Variants in AFF3 observed in about 807,000 individuals in gnomAD.
The protein encoded by AFF3 is ALF transcription elongation factor 3.
AFF3 carries 32 observed loss-of-function variants against 129.7 expected under a neutral mutation model. The ratio of observed to expected loss-of-function variants is 0.25; its 90% CI spans 0.19 to 0.33. The LOEUF (loss-of-function observed/expected upper bound fraction) is 0.33, where lower values mean the gene tolerates loss of function less well. Among genes scored for constraint, AFF3 ranks in the 10% least tolerant of loss-of-function variants. The probability of loss-of-function intolerance (pLI) is 1.00; values close to 1 mark genes in which losing one functional copy is unlikely to be tolerated. For missense variants in AFF3, 1,373 were observed against 1,592.0 expected (o/e 0.86, Z 2.34); for synonymous variants, 644 against 635.4 (o/e 1.01, Z -0.20).
chr2:99,574,048 C>G (rs1676758651), intron 18 of AFF3, among the ~76,000 whole-genome samples: 1 of 152,206 alleles, frequency 6.6e-6, no homozygotes, highest in Non-Finnish European at 1.5e-5. Context: ...TTTTCCCCAG[C>G]CAAGAATTCC....
At chr2:99,848,087 T>G (rs553589967) in intron 7 of AFF3, among the ~76,000 whole-genome samples, 3 of 151,818 alleles carry the variant, frequency 2.0e-5, no homozygotes, top group Admixed American at 1.3e-4. Context: ...TTCAAGACCC[T>G]GTCTCTACTA....
At chr2:100,122,550 T>C (rs1420381117) in intron 2 of AFF3, among the ~76,000 whole-genome samples, 1 of 152,140 alleles carries the variant, frequency 6.6e-6, no homozygotes, top group Admixed American at 6.5e-5. Context: ...ACTATAATAA[T>C]AAGGTTGCCC....
chr2:99,692,909 T>C (rs1294315431), intron 11 of AFF3, among the ~76,000 whole-genome samples: 1 of 152,252 alleles, frequency 6.6e-6, no homozygotes, highest in African/African-American at 2.4e-5. Flanking sequence ...GGTGGCTCTG[T>C]AGGGCTCTGA....
chr2:100,057,438 C>T (rs1485623596), intron 4 of AFF3, among the ~76,000 whole-genome samples: 1 of 151,674 alleles, frequency 6.6e-6, no homozygotes, highest in African/African-American at 2.4e-5. Context: ...CTCAGCTCAA[C>T]TCACTGGAAT....
chr2:99,838,723 C>T (rs1689083908), intron 7 of AFF3, among the ~76,000 whole-genome samples: 1 of 152,200 alleles, frequency 6.6e-6, no homozygotes, highest in Non-Finnish European at 1.5e-5. Context: ...CCCCCAATAA[C>T]TATTGGCTGG....
At chr2:99,693,922 CTT>C (rs796185117) in intron 11 of AFF3, among the ~76,000 whole-genome samples, 4 of 146,176 alleles carry the variant, frequency 2.7e-5, no homozygotes, top group Admixed American at 6.9e-5. Flanking sequence ...TTCCTTAATA[CTT>C]TTTTTTTTTT....
At chr2:99,558,047 GAT>G (rs1232162447) in intron 22 of AFF3, among the ~76,000 whole-genome samples, 1 of 152,186 alleles carries the variant, frequency 6.6e-6, no homozygotes, top group Non-Finnish European at 1.5e-5. Flanking sequence ...CATTCCCTGA[GAT>G]AAGTAAAAGG....
intron 11 of AFF3, among the ~76,000 whole-genome samples, chr2:99,714,857 T>A (rs1477532543): frequency 6.6e-6 from 1 of 152,240 alleles, no homozygotes; most frequent in Non-Finnish European, 1.5e-5. Context: ...AATTAAAAAA[T>A]TTTAATGAAT....
chr2:99,976,086 G>A (rs576766831), intron 7 of AFF3, among the ~76,000 whole-genome samples: 94 of 152,008 alleles, frequency 6.2e-4, no homozygotes, highest in African/African-American at 2.2e-3. Flanking sequence ...GCAAGGAGGA[G>A]TTAACGCCAA....
At chr2:99,834,215 A>G (rs1034666229) in intron 8 of AFF3, among the ~76,000 whole-genome samples, 1 of 152,200 alleles carries the variant, frequency 6.6e-6, no homozygotes, top group African/African-American at 2.4e-5. Context: ...TACAATGTTA[A>G]GAGAGGTTGC....
chr2:99,595,036 C>T (rs527661049), intron 14 of AFF3, among the ~76,000 whole-genome samples: 1 of 152,310 alleles, frequency 6.6e-6, no homozygotes, highest in South Asian at 2.1e-4. Context: ...ACTGTGGCCC[C>T]ACAGGTTGGC....
At chr2:100,020,817 C>G (rs1683526990) in intron 4 of AFF3, among the ~76,000 whole-genome samples, 1 of 152,234 alleles carries the variant, frequency 6.6e-6, no homozygotes, top group South Asian at 2.1e-4. Flanking sequence ...TAAAATGTAT[C>G]TCCCGGCTGC....
At chr2:99,741,023 T>A (rs966290112) in intron 10 of AFF3, among the ~76,000 whole-genome samples, 1 of 152,350 alleles carries the variant, frequency 6.6e-6, no homozygotes. Flanking sequence ...TACATATGGT[T>A]AGCCAGTTTT....
intron 7 of AFF3, among the ~76,000 whole-genome samples, chr2:99,987,011 G>T (rs1418828849): frequency 2.0e-5 from 3 of 152,144 alleles, no homozygotes; most frequent in Admixed American, 6.5e-5. Context: ...CGAAAAGGCC[G>T]ATCGTTACAA....
chr2:99,861,352 T>C (rs2105915596), intron 7 of AFF3, among the ~76,000 whole-genome samples: 1 of 152,280 alleles, frequency 6.6e-6, no homozygotes, highest in South Asian at 2.1e-4. Context: ...AGTAGAGAAG[T>C]GGCCAAGAAC....
In AFF3 at chr2:100,133,039, C is replaced by G. The variant is rs1225906574; in HGVS notation, c.-227-3733G>C. 2.6e-5 allele frequency among the ~76,000 whole-genome samples: 4 copies of G among 151,400 alleles called. No individual in the cohort carries two copies. In the East Asian group the frequency reaches 5.9e-4, roughly 22 times the overall value. ...AACTCTTGGGGCTCAAGTGATCCTT[C>G]CACCTCAGCCTCCCAACAGCTGGGA... On this transcript the variant is annotated intron_variant, in intron 1 of 24. Coordinates refer to ENST00000672756, the MANE Select transcript of AFF3 (RefSeq NM_001386135.1).
At chr2:100,091,275 T>G (rs1689836687) in intron 4 of AFF3, among the ~76,000 whole-genome samples, 1 of 152,232 alleles carries the variant, frequency 6.6e-6, no homozygotes, top group South Asian at 2.1e-4. Context: ...ACACTTCTTA[T>G]GTGTAAGAAA....
At chr2:99,792,278 A>G (rs1308208726) in intron 8 of AFF3, among the ~76,000 whole-genome samples, 1 of 152,166 alleles carries the variant, frequency 6.6e-6, no homozygotes, top group African/African-American at 2.4e-5. Flanking sequence ...GTTCAAGACC[A>G]GCCTGGGTAA....
chr2:100,012,813 A>G (rs1347257908), intron 4 of AFF3, among the ~76,000 whole-genome samples: 1 of 152,190 alleles, frequency 6.6e-6, no homozygotes, highest in African/African-American at 2.4e-5. Flanking sequence ...CAACATATAC[A>G]TTAAACTCAA....
Sources: gnomAD v4.1 joint callset for allele counts (sites outside exome capture counted in the v4.1 genomes callset) on GRCh38, gnomAD v4.1.1 for gene constraint, MANE v1.5 for transcripts, NCBI Gene and HGNC (gene_info 2026-07-23, HGNC 2026-07-21) for gene names.